CDH15: variants seen among roughly 807,000 people sequenced by gnomAD.
CDH15 encodes the protein cadherin-15.
CDH15 carries 73 observed loss-of-function variants against 69.4 expected under a neutral mutation model. That is an observed-to-expected ratio of 1.05 (90% CI 0.87 to 1.28). The LOEUF (loss-of-function observed/expected upper bound fraction) is 1.28, where lower values mean the gene tolerates loss of function less well. CDH15 is among the 50% of genes most tolerant of loss of function. CDH15 has a pLI of 0.00. For missense variants in CDH15, 1,343 were observed against 1,133.6 expected, an observed-to-expected ratio of 1.18 and a Z score of -2.65; for synonymous variants, 624 against 507.7, an observed-to-expected ratio of 1.23 and a Z score of -3.08.
chr16:89,180,301 A>G lies in CDH15; in HGVS notation c.303A>G (p.Thr101=). 1 of 1,612,366 alleles carries G rather than the reference A, an allele frequency of 6.2e-7. No individual in the cohort carries two copies. Among genetic ancestry groups the G allele is most frequent in the Non-Finnish European group, 8.5e-7 (1 of 1,179,446 alleles). Residue 101 remains threonine, a synonymous_variant, in exon 3 of 14, where the codon ACA becomes ACG. Transcript: ENST00000289746. ...GCGTCTTCTCTATCGACAAGTTCAC[A>G]GGGAAGGTCTTCCTCAATGCCATGC... ...PRGVFSIDKF[T]GKVFLNAMLD... is the part of the protein sequence containing the mutation.
intron 10 of CDH15, 124 bp from the exon 11 acceptor site, chr16:89,192,081 C>CGGTGGG: frequency 1.5e-6 from 2 of 1,314,140 alleles, no homozygotes; most frequent in Non-Finnish European, 2.0e-6. Flanking sequence ...GCCCAGAGGA[C>CGGTGGG]GGTGGGGGTG....
At chr16:89,175,314 C>T (rs113962233) in intron 1 of CDH15, among the ~76,000 whole-genome samples, 3 of 152,332 alleles carry the variant, frequency 2.0e-5, no homozygotes, top group Non-Finnish European at 4.4e-5. Context: ...CCACCTCAGC[C>T]GTGTGGGGTT....
At chr16:89,183,727 C>A (rs1269720518) in intron 4 of CDH15, 35 bp downstream of exon 4, 3 of 1,563,140 alleles carry the variant, frequency 1.9e-6, no homozygotes, top group African/African-American at 1.4e-5. Context: ...CCGGGAGGGG[C>A]TGCAAGGAAG....
At chr16:89,171,913 T>C in intron 1 of CDH15, 40 bp downstream of exon 1, 1 of 1,528,376 alleles carries the variant, frequency 6.5e-7, no homozygotes, top group Non-Finnish European at 8.8e-7. Context: ...GCTGCCTCCC[T>C]CGACGCTGCG....
At position 89,171,880 on chromosome 16, in the gene CDH15, C is replaced by T; in HGVS notation, c.42+7C>T. ...CCTCGGGCTGTTGGCCCAGGTAAGG[C>T]ATCGGCACCTGCGGGGGTCCCCGCT... is the stretch of plus-strand genomic sequence containing the variant. On this transcript the variant is annotated splice_region_variant and intron_variant, in intron 1 of 13. Coordinates refer to ENST00000289746, the MANE Select transcript of CDH15 (RefSeq NM_004933.3). 1 of 1,555,556 alleles carries T rather than the reference C, an allele frequency of 6.4e-7. No individual in the cohort carries two copies.
intron 8 of CDH15, among the ~76,000 whole-genome samples, chr16:89,190,830 C>T (rs1266962452): frequency 2.0e-5 from 3 of 151,488 alleles, no homozygotes; most frequent in African/African-American, 4.8e-5. Flanking sequence ...TCTGTGTCCA[C>T]GGGGCCCGGG....
chr16:89,188,151 G>T lies in CDH15; in HGVS notation c.844G>T (p.Glu282Ter). The T allele has an allele frequency of 6.2e-7, 1 of 1,613,432 alleles. No homozygotes were observed. The highest frequency in any genetic ancestry group is 1.1e-5 in the South Asian group (1 of 90,984). The change falls in exon 7 of 14, where the codon GAA becomes TAA. Residue 282 changes from glutamate to a stop codon, truncating the protein, a stop_gained. Coordinates refer to ENST00000289746, the MANE Select transcript of CDH15 (RefSeq NM_004933.3). LOFTEE classifies it high-confidence loss of function. ...AVSGVDVGRLEVEDRDLPGSP... is the reference protein window; with the variant it reads ...AVSGVDVGRL Reference sequence around the variant, plus strand: ...CAGCGGAGTGGATGTGGGACGCCTGGAAGTGGAGGACAGGGACCTGCCAGG... The same window carrying T: ...CAGCGGAGTGGATGTGGGACGCCTGTAAGTGGAGGACAGGGACCTGCCAGG...
Position 89,195,350 on chromosome 16 carries a change from G to A in CDH15, c.*195G>A. On this transcript the variant is annotated 3_prime_UTR_variant, in exon 14 of 14. Transcript: ENST00000289746. ...GAAGAGGCCCCTTCCTGCCGGGGTG[G>A]GAAGAGTTTCTCTCCATCGGCCCCA... 1.6e-6 allele frequency: 1 copy of A among 611,288 alleles called. No homozygotes were observed. Among genetic ancestry groups the A allele is most frequent in the Non-Finnish European group, 2.8e-6 (1 of 355,332 alleles). 37.9% of individuals were successfully genotyped at this position (611,288 alleles called of 1,614,324 possible). A position where few individuals can be genotyped will look rare whatever the true frequency, so the allele number is the denominator to read the frequency against.
At chr16:89,180,974 C>CTTTTTTTTTTTTTTTTT (rs770080908) in intron 3 of CDH15, among the ~76,000 whole-genome samples, 1,210 of 96,634 alleles carry the variant, frequency 0.013, 129 homozygotes, top group East Asian at 0.045. Flanking sequence ...CGCGCCCGAC[C>CTTTTTTTTTTTTTTTTT]TTTTTTTTTT....
intron 1 of CDH15, 122 bp downstream of exon 1, chr16:89,171,995 G>C (rs1915168293): frequency 3.0e-5 from 31 of 1,030,548 alleles, no homozygotes; most frequent in Non-Finnish European, 4.5e-5. Flanking sequence ...TTGGGGGCCT[G>C]TGAGCGGAGT....
chr16:89,194,745 G>A (rs1915757544), intron 13 of CDH15, 117 bp from the exon 14 acceptor site: 1 of 1,032,418 alleles, frequency 9.7e-7, no homozygotes, highest in Non-Finnish European at 1.5e-6. Flanking sequence ...CCGGACGTGG[G>A]CAGCTTCCCC....
chr16:89,189,310 CCGG>C (rs1567775306), intron 7 of CDH15, among the ~76,000 whole-genome samples: 292 of 132,514 alleles, frequency 2.2e-3, no homozygotes, highest in South Asian at 4.8e-3. Flanking sequence ...CACACAGATG[CCGG>C]CACACACACA....
In CDH15 at chr16:89,192,370, C is replaced by T; in HGVS notation, c.1781C>T (p.Ala594Val). The T allele has an allele frequency of 6.5e-7, 1 of 1,538,084 alleles. No individual in the cohort carries two copies. The highest frequency in any genetic ancestry group is 8.7e-7 in the Non-Finnish European group (1 of 1,148,528). ...GGCGTCTGCCTGCCGGGGGCCGCAG[C>T]GCTGCTGGCGGGGGGCACAGGCCTC... is the stretch of plus-strand genomic sequence containing the variant. ...KDGVCLPGAA[A>V]LLAGGTGLSL... is the part of the protein sequence containing the mutation. The change falls in exon 11 of 14, where the codon GCG becomes GTG. Residue 594 changes from alanine to valine, a missense_variant. Coordinates refer to ENST00000289746, the MANE Select transcript of CDH15 (RefSeq NM_004933.3).
intron 10 of CDH15, 65 bp from the exon 11 acceptor site, chr16:89,192,140 G>C (rs1597312455): frequency 1.4e-6 from 2 of 1,471,580 alleles, no homozygotes; most frequent in Admixed American, 2.4e-5. Context: ...GTCTCGGCGC[G>C]AGGAGGGCAG....
rs941019132 is a variant in CDH15, at chr16:89,195,142, G to T, written c.2432G>T (p.Gly811Val). The T allele has an allele frequency of 6.3e-7, 1 of 1,593,760 alleles. No individual in the cohort carries two copies. The change falls in exon 14 of 14, where the codon GGC (glycine) becomes GTC (valine). Residue 811 changes from glycine to valine, a missense_variant. Gly to Val is a moderately radical substitution (Grantham distance 109). Coordinates refer to ENST00000289746, the MANE Select transcript of CDH15 (RefSeq NM_004933.3). ...SPGALLPRHR[G>V]RTA ...GGGGCACTGCTACCCAGACACAGAG[G>T]CCGGACAGCCTGACCCTGGGGCGCA...
At chr16:89,189,550 C>T (rs1410065928) in intron 7 of CDH15, among the ~76,000 whole-genome samples, 4 of 152,234 alleles carry the variant, frequency 2.6e-5, no homozygotes, top group Non-Finnish European at 4.4e-5. Flanking sequence ...TCCCAGGCCA[C>T]GCTACCCATG....
At chr16:89,184,597 C>T (rs1434161837) in intron 4 of CDH15, among the ~76,000 whole-genome samples, 3 of 152,030 alleles carry the variant, frequency 2.0e-5, no homozygotes, top group South Asian at 2.1e-4. Context: ...AGCCTGCCCG[C>T]GCATCCTCTG....
chr16:89,183,654 A>G lies in CDH15; in HGVS notation c.464A>G (p.Glu155Gly), dbSNP rs1183378319. The G allele has an allele frequency of 6.2e-7, 1 of 1,612,690 alleles. No homozygotes were observed. The highest frequency in any genetic ancestry group is 8.5e-7 in the Non-Finnish European group (1 of 1,179,526). Reference sequence around the variant, plus strand: ...GACAACCGGCCAGCCTTCCTGCAGGAGGCGTTCACTGGCCGCGTGCTGGAG... The same window carrying G: ...GACAACCGGCCAGCCTTCCTGCAGGGGGCGTTCACTGGCCGCGTGCTGGAG... ...QNDNRPAFLQ[E>G]AFTGRVLEGA... The change falls in exon 4 of 14, where the codon GAG becomes GGG. Residue 155 changes from glutamate to glycine, a missense_variant. Glu to Gly is a moderately conservative substitution (Grantham distance 98). Transcript: ENST00000289746.
chr16:89,186,807 C>T (rs1915500210), intron 5 of CDH15, among the ~76,000 whole-genome samples: 1 of 147,862 alleles, frequency 6.8e-6, no homozygotes, highest in South Asian at 2.1e-4. Flanking sequence ...TTACCCAGCG[C>T]ACAGAAGGTG....
Sources: allele counts gnomAD v4.1 joint callset (sites outside exome capture counted in the v4.1 genomes callset), GRCh38; gene constraint gnomAD v4.1.1; transcripts MANE v1.5; gene names NCBI Gene and HGNC (gene_info 2026-07-23, HGNC 2026-07-21).